Variants in NRDC observed in about 807,000 individuals in gnomAD.
The protein encoded by NRDC is nardilysin convertase, also known as nardilysin.
A neutral mutation model predicts 147.1 loss-of-function variants in NRDC; 54 were observed. The ratio of observed to expected loss-of-function variants is 0.37; its 90% CI spans 0.29 to 0.46. The LOEUF (loss-of-function observed/expected upper bound fraction) is 0.46. Among genes scored for constraint, NRDC ranks in the 20% least tolerant of loss-of-function variants. The probability of loss-of-function intolerance (pLI) is 1.00; values close to 1 mark genes in which losing one functional copy is unlikely to be tolerated. For missense variants in NRDC, 1,082 were observed against 1,370.6 expected (o/e 0.79, Z 3.33); for synonymous variants, 440 against 482.1 (o/e 0.91, Z 1.14).
At chr1:51,873,614 G>T (rs1164794172) in intron 1 of NRDC, among the ~76,000 whole-genome samples, 1 of 151,558 alleles carries the variant, frequency 6.6e-6, no homozygotes, top group African/African-American at 2.4e-5. Flanking sequence ...AAGTTCAAGC[G>T]ATTCCCCTGC....
At chr1:51,830,119 C>T (rs550528441) in intron 4 of NRDC, among the ~76,000 whole-genome samples, 5 of 151,998 alleles carry the variant, frequency 3.3e-5, no homozygotes, top group Middle Eastern at 3.4e-3. Context: ...CACCCGCCAC[C>T]GGACCCGGCT....
chr1:51,791,493 T>C (rs1346241181), intron 27 of NRDC, 85 bp downstream of exon 27: 2 of 1,104,566 alleles, frequency 1.8e-6, no homozygotes, highest in Non-Finnish European at 2.8e-6. Context: ...TTGGTCAGGG[T>C]TGCCCAAGGT....
intron 22 of NRDC, among the ~76,000 whole-genome samples, chr1:51,796,073 G>A (rs1427447238): frequency 8.5e-5 from 13 of 152,096 alleles, no homozygotes; most frequent in Admixed American, 7.9e-4. Context: ...TGGAAGTGGT[G>A]TCTCACTATG....
rs149641013 is a variant in NRDC at position 51,812,720 on chromosome 1, G to A, written c.1675-622C>T. Among the ~76,000 whole-genome samples the A allele has an allele frequency of 1.9e-3, 290 of 152,186 alleles. 1 individual carries two copies. Among genetic ancestry groups the A allele is most frequent in the African/African-American group, 6.5e-3 (271 of 41,530 alleles). On this transcript the variant is annotated intron_variant, in intron 14 of 30. Transcript: ENST00000352171. ...AGTCAAGTGCCCCACATGATTATGT[G>A]AGCAATAAAGACAGGCAACCTATCA...
In NRDC at chr1:51,846,935, GC is replaced by G. The variant is rs530961767; in HGVS notation, c.342-6422del. 1.1e-4 allele frequency among the ~76,000 whole-genome samples: 16 copies of G among 152,268 alleles called. 1 individual carries two copies. In the South Asian group the frequency reaches 3.3e-3, roughly 32 times the overall value. ...AGTTCTCCACCTCCCCACTAGATTA[GC>G]TAGATACAGAGTGCTGATTGGTGCA... On this transcript the variant is annotated intron_variant, in intron 1 of 30. Coordinates refer to ENST00000352171, the MANE Select transcript of NRDC (RefSeq NM_001101662.2).
intron 17 of NRDC, among the ~76,000 whole-genome samples, chr1:51,808,726 G>A (rs1160020006): frequency 1.3e-5 from 2 of 152,210 alleles, no homozygotes; most frequent in Non-Finnish European, 2.9e-5. Context: ...TTGGACCTAG[G>A]ATTGGTAGCT....
At position 51,810,416 on chromosome 1, in the gene NRDC, G is replaced by T; in HGVS notation, c.1780-12C>A. On this transcript the variant is annotated splice_polypyrimidine_tract_variant and intron_variant, in intron 15 of 30. Transcript: ENST00000352171. ...GCTTCACCAATGACCTAGTAAAGTG[G>T]GAAGAGGGGAAAGAGATACACACAA... is the stretch of plus-strand genomic sequence containing the variant. 1 of 1,606,174 alleles carries T rather than the reference G, an allele frequency of 6.2e-7. No homozygotes were observed. Among genetic ancestry groups the T allele is most frequent in the Non-Finnish European group, 8.5e-7 (1 of 1,176,836 alleles).
intron 1 of NRDC, among the ~76,000 whole-genome samples, chr1:51,858,369 C>A (rs1378071877): frequency 6.6e-6 from 1 of 151,334 alleles, no homozygotes; most frequent in African/African-American, 2.4e-5. Flanking sequence ...GTTCCAGCTA[C>A]TCAGGAGGCT....
intron 18 of NRDC, among the ~76,000 whole-genome samples, chr1:51,806,350 G>A (rs562943911): frequency 6.6e-6 from 1 of 152,140 alleles, no homozygotes; most frequent in Admixed American, 6.5e-5. Flanking sequence ...CAAATCACAC[G>A]AGTTCCTTAA....
intron 1 of NRDC, among the ~76,000 whole-genome samples, chr1:51,860,700 C>T (rs1682487460): frequency 1.3e-5 from 2 of 152,172 alleles, no homozygotes; most frequent in Non-Finnish European, 1.5e-5. Flanking sequence ...TGTTTATTCA[C>T]AGTATAAACT....
In NRDC at chr1:51,810,289, C is replaced by T. The variant is rs1271146143; in HGVS notation, c.1895G>A (p.Ser632Asn). 4 of 1,602,622 alleles carry T rather than the reference C, an allele frequency of 2.5e-6. No homozygotes were observed. Among genetic ancestry groups the T allele is most frequent in the Non-Finnish European group, 3.4e-6 (4 of 1,171,582 alleles). Residue 632 changes from serine to asparagine, a missense_variant, in exon 16 of 31, where the codon AGT becomes AAT. Ser to Asn is a conservative substitution (Grantham distance 46). Transcript: ENST00000352171. ...TTGTTAAAATATTTTACCTTCTATA[C>T]TATATTGAGTTCCAAACCATTTCTC... ...LKEKWFGTQY[S>N]IEDIENSWAE... is the part of the protein sequence containing the mutation.
intron 1 of NRDC, among the ~76,000 whole-genome samples, chr1:51,864,856 G>A (rs530128819): frequency 6.6e-5 from 10 of 151,930 alleles, no homozygotes; most frequent in African/African-American, 2.4e-4. Context: ...GGAGGCTGAG[G>A]TGGGAGTCGC....
chr1:51,845,498 C>A (rs1681510492), intron 1 of NRDC, among the ~76,000 whole-genome samples: 1 of 152,088 alleles, frequency 6.6e-6, no homozygotes, highest in Non-Finnish European at 1.5e-5. Context: ...GAAGCTGAAG[C>A]AGGAGAATCA....
rs760675326 is a variant in NRDC at position 51,794,616 on chromosome 1, A to G, written c.2637-6T>C. ...GAGGCTTGAAGTTTAGTTTGCTGCAAGAGAATCAGTATGGGTCACTGAGGC... is the reference window on the plus strand; with the variant it reads ...GAGGCTTGAAGTTTAGTTTGCTGCAGGAGAATCAGTATGGGTCACTGAGGC... On this transcript the variant is annotated splice_polypyrimidine_tract_variant and splice_region_variant and intron_variant, in intron 23 of 30. Transcript: ENST00000352171. The G allele has an allele frequency of 3.0e-5, 48 of 1,613,952 alleles. No homozygotes were observed. The South Asian group carries it at 3.3e-4, about 11-fold the overall frequency.
intron 22 of NRDC, among the ~76,000 whole-genome samples, chr1:51,797,236 A>G (rs1337745987): frequency 6.6e-6 from 1 of 152,076 alleles, no homozygotes; most frequent in South Asian, 2.1e-4. Flanking sequence ...AATGTTAACT[A>G]TATTCACACT....
chr1:51,878,065 T>C lies in NRDC; in HGVS notation c.341+210A>G. ...ATGACTCGAAAAGCTTCTCCCATTCTGACGTCTTACAACCCAAGATCTCCC... is the reference window on the plus strand; with the variant it reads ...ATGACTCGAAAAGCTTCTCCCATTCCGACGTCTTACAACCCAAGATCTCCC... On this transcript the variant is annotated intron_variant, in intron 1 of 30. Transcript: ENST00000352171. 8 of 1,409,768 alleles carry C rather than the reference T, an allele frequency of 5.7e-6. No individual in the cohort carries two copies. The South Asian group carries it at 9.9e-5, about 17-fold the overall frequency. The allele number at this position is 1,409,768 out of a possible 1,614,324, so 87.3% of individuals were successfully genotyped here. A position where few individuals can be genotyped will look rare whatever the true frequency, so the allele number is the denominator to read the frequency against.
chr1:51,851,790 A>G (rs1171654206), intron 1 of NRDC, among the ~76,000 whole-genome samples: 9 of 152,212 alleles, frequency 5.9e-5, no homozygotes, highest in Admixed American at 5.9e-4. Context: ...TTAAAGAACA[A>G]ATATCTCACC....
chr1:51,801,873 C>T (rs1295342966), intron 20 of NRDC, among the ~76,000 whole-genome samples: 6 of 151,992 alleles, frequency 3.9e-5, no homozygotes, highest in Non-Finnish European at 5.9e-5. Context: ...CTTCAAGCTC[C>T]GCCTCCCAGG....
chr1:51,837,228 C>A (rs1681030760), intron 2 of NRDC, among the ~76,000 whole-genome samples: 1 of 151,628 alleles, frequency 6.6e-6, no homozygotes, highest in South Asian at 2.1e-4. Context: ...ACAGGGCTAA[C>A]ATATTTGGTG....
Sources: gnomAD v4.1 joint callset for allele counts (sites outside exome capture counted in the v4.1 genomes callset) on GRCh38, gnomAD v4.1.1 for gene constraint, MANE v1.5 for transcripts, NCBI Gene and HGNC (gene_info 2026-07-23, HGNC 2026-07-21) for gene names.